Variants in RIMS2 observed in about 807,000 individuals in gnomAD.
The protein encoded by RIMS2 is regulating synaptic membrane exocytosis 2, also known as regulating synaptic membrane exocytosis protein 2.
In RIMS2, 59 loss-of-function variants were observed where a neutral mutation model predicts 174.4. That is an observed-to-expected ratio of 0.34 (90% CI 0.27 to 0.42). The LOEUF is 0.42. Among genes scored for constraint, RIMS2 ranks in the 10% least tolerant of loss-of-function variants. The pLI is 1.00. For missense variants in RIMS2, 1,620 were observed against 1,666.3 expected (o/e 0.97, Z 0.48); for synonymous variants, 606 against 572.5 (o/e 1.06, Z -0.84).
chr8:103,577,487 G>A (rs7813100), intron 1 of RIMS2, among the ~76,000 whole-genome samples: 27,687 of 152,094 alleles, frequency 0.18, 2,764 homozygotes, highest in African/African-American at 0.26. Flanking sequence ...GGGAGGGATA[G>A]CATTAGGAGA....
At chr8:103,682,293 TA>T (rs1261876458) in intron 1 of RIMS2, among the ~76,000 whole-genome samples, 3 of 151,756 alleles carry the variant, frequency 2.0e-5, no homozygotes, top group Non-Finnish European at 4.4e-5. Context: ...CTCTACATAA[TA>T]AAAAGAGAAG....
At chr8:103,632,383 T>C (rs1362039295) in intron 1 of RIMS2, among the ~76,000 whole-genome samples, 1 of 152,128 alleles carries the variant, frequency 6.6e-6, no homozygotes, top group Non-Finnish European at 1.5e-5. Flanking sequence ...TAATCATGTG[T>C]TTTTTTGTCT....
intron 1 of RIMS2, among the ~76,000 whole-genome samples, chr8:103,634,627 C>A (rs2096027704): frequency 6.6e-6 from 1 of 152,176 alleles, no homozygotes; most frequent in Non-Finnish European, 1.5e-5. Context: ...GTGTTGAAAT[C>A]TCCCACTGTT....
chr8:104,034,462 C>CTTTTTTTTTTTTTTTTTTTTTT (rs200907072), intron 19 of RIMS2, among the ~76,000 whole-genome samples: 1 of 118,346 alleles, frequency 8.4e-6, no homozygotes. Context: ...CTTGCAGTAT[C>CTTTTTTTTTTTTTTTTTTTTTT]TTTTTTTTTT....
intron 1 of RIMS2, among the ~76,000 whole-genome samples, chr8:103,673,950 A>G (rs931304692): frequency 6.6e-5 from 10 of 152,244 alleles, no homozygotes; most frequent in African/African-American, 2.4e-4. Context: ...TGTTAGAAGC[A>G]GGGAGGCCAC....
chr8:103,799,372 GTGA>G (rs1427220889), intron 3 of RIMS2, among the ~76,000 whole-genome samples: 1 of 152,106 alleles, frequency 6.6e-6, no homozygotes, highest in Non-Finnish European at 1.5e-5. Context: ...CATCCCATTA[GTGA>G]TGGACAATCT....
chr8:103,549,334 G>T (rs1396516124), intron 1 of RIMS2, among the ~76,000 whole-genome samples: 2 of 152,120 alleles, frequency 1.3e-5, no homozygotes, highest in East Asian at 1.9e-4. Flanking sequence ...TTAAAGAAAA[G>T]AATTTTCAAC....
chr8:103,664,764 T>C (rs987362070), intron 1 of RIMS2, among the ~76,000 whole-genome samples: 6 of 152,146 alleles, frequency 3.9e-5, no homozygotes, highest in Non-Finnish European at 7.4e-5. Context: ...GACCCAGAAA[T>C]CCTATTACTG....
intron 1 of RIMS2, among the ~76,000 whole-genome samples, chr8:103,580,501 T>C (rs2093545467): frequency 6.6e-6 from 1 of 151,856 alleles, no homozygotes; most frequent in South Asian, 2.1e-4. Flanking sequence ...TTCAACAAGA[T>C]GACATAACAA....
intron 19 of RIMS2, among the ~76,000 whole-genome samples, chr8:104,153,567 A>C (rs778081725): frequency 2.6e-5 from 4 of 152,194 alleles, no homozygotes; most frequent in Non-Finnish European, 2.9e-5. Flanking sequence ...TACAGTTATT[A>C]CATGATTAAG....
rs563220089 is a variant in RIMS2, at chr8:104,028,628, A to G, written c.3334+14013A>G. On this transcript the variant is annotated intron_variant, in intron 19 of 23. Transcript: ENST00000504942. ...AAACTCTCAGTGCCTCAATTTCACCATCTCTGTTATAGGTACTCTTCTATA... is the reference window on the plus strand; with the variant it reads ...AAACTCTCAGTGCCTCAATTTCACCGTCTCTGTTATAGGTACTCTTCTATA... Among the ~76,000 whole-genome samples, 7 of 152,314 alleles carry G rather than the reference A, an allele frequency of 4.6e-5. No individual in the cohort carries two copies. The South Asian group carries it at 1.4e-3, about 32-fold the overall frequency.
chr8:103,740,724 A>G (rs1380155777), intron 2 of RIMS2, among the ~76,000 whole-genome samples: 1 of 152,208 alleles, frequency 6.6e-6, no homozygotes, highest in Non-Finnish European at 1.5e-5. Flanking sequence ...GCAAGTTATC[A>G]ATACGACCTT....
chr8:104,043,273 A>G (rs1455914313), intron 19 of RIMS2, among the ~76,000 whole-genome samples: 1 of 151,620 alleles, frequency 6.6e-6, no homozygotes, highest in African/African-American at 2.4e-5. Flanking sequence ...TAAGAATACC[A>G]TGGGAAATAA....
At chr8:103,921,367 C>T (rs993205492) in intron 9 of RIMS2, among the ~76,000 whole-genome samples, 1 of 151,990 alleles carries the variant, frequency 6.6e-6, no homozygotes, top group Non-Finnish European at 1.5e-5. Context: ...CTTAATATGT[C>T]ATTGTAAGAT....
exon 16 of RIMS2, chr8:103,975,477 A>G (rs759835261): frequency 3.2e-5 from 51 of 1,613,270 alleles, no homozygotes; most frequent in Non-Finnish European, 4.2e-5. Flanking sequence ...GGACTAGATC[A>G]TGGTCACCCA....
chr8:104,245,903 C>T (rs560686867), intron 20 of RIMS2, among the ~76,000 whole-genome samples: 3 of 152,196 alleles, frequency 2.0e-5, no homozygotes, highest in Non-Finnish European at 2.9e-5. Flanking sequence ...TGTAAGTAGG[C>T]TTATTTGGGA....
intron 3 of RIMS2, among the ~76,000 whole-genome samples, chr8:103,779,577 A>T (rs1041061183): frequency 1.3e-5 from 2 of 151,942 alleles, no homozygotes; most frequent in Admixed American, 6.6e-5. Context: ...GCAGCCATAA[A>T]AAAGGATGAG....
At chr8:103,957,206 T>C (rs1337645029) in intron 14 of RIMS2, among the ~76,000 whole-genome samples, 4 of 152,130 alleles carry the variant, frequency 2.6e-5, no homozygotes, top group Admixed American at 6.5e-5. Context: ...TCCTCAAGGA[T>C]CTAGAACTAG....
chr8:103,565,842 A>G (rs945485681), intron 1 of RIMS2, among the ~76,000 whole-genome samples: 1 of 152,204 alleles, frequency 6.6e-6, no homozygotes, highest in African/African-American at 2.4e-5. Flanking sequence ...GAGTTCAAGG[A>G]CGAGTCAAAG....
Sources: allele counts gnomAD v4.1 joint callset (sites outside exome capture counted in the v4.1 genomes callset), GRCh38; gene constraint gnomAD v4.1.1; transcripts MANE v1.5; gene names NCBI Gene and HGNC (gene_info 2026-07-23, HGNC 2026-07-21).